The following SPECC1 variants were observed in gnomAD, a reference collection of about 807,000 sequenced individuals.
SPECC1 encodes cytospin-B.
SPECC1 carries 62 observed loss-of-function variants against 104.1 expected under a neutral mutation model. The observed-to-expected ratio is 0.60, with a 90% CI of 0.49 to 0.74. The LOEUF (loss-of-function observed/expected upper bound fraction) is 0.74. Ranked by LOEUF, SPECC1 falls within the 30% of genes least tolerant of loss-of-function variation. The pLI is 0.00. For missense variants in SPECC1, 1,306 were observed against 1,310.5 expected, an observed-to-expected ratio of 1.00 and a Z score of 0.05; for synonymous variants, 513 against 501.6, an observed-to-expected ratio of 1.02 and a Z score of -0.30.
chr17:20,195,353 CAATTAT>C (rs1567924698), intron 3 of SPECC1, among the ~76,000 whole-genome samples: 2 of 141,604 alleles, frequency 1.4e-5, no homozygotes, highest in African/African-American at 5.1e-5. Context: ...TTTTACATAA[CAATTAT>C]AATTATTAAT....
chr17:20,166,858 A>T (rs1346557342), intron 3 of SPECC1, among the ~76,000 whole-genome samples: 1 of 152,008 alleles, frequency 6.6e-6, no homozygotes, highest in East Asian at 1.9e-4. Flanking sequence ...GGCAAATGTC[A>T]ACACTTTGGG....
At chr17:20,240,591 G>A (rs1179891006) in intron 7 of SPECC1, among the ~76,000 whole-genome samples, 1 of 151,920 alleles carries the variant, frequency 6.6e-6, no homozygotes, top group Non-Finnish European at 1.5e-5. Flanking sequence ...TTAATCTGAT[G>A]TGAGGTGTGG....
At chr17:20,133,054 C>G (rs955456836) in intron 3 of SPECC1, among the ~76,000 whole-genome samples, 6 of 152,084 alleles carry the variant, frequency 3.9e-5, no homozygotes, top group African/African-American at 1.4e-4. Flanking sequence ...TATAGTTATT[C>G]ATATTATATT....
chr17:20,316,828 G>A lies in SPECC1; in HGVS notation c.*2763G>A, dbSNP rs1234085661. 1.4e-5 allele frequency: 3 copies of A among 206,984 alleles called. No homozygotes were observed. The highest frequency in any genetic ancestry group is 1.9e-4 in the South Asian group (1 of 5,276). The allele number at this position is 206,984 out of a possible 1,614,324, so 12.8% of individuals were successfully genotyped here. On this transcript the variant is annotated 3_prime_UTR_variant, in exon 15 of 15. Coordinates refer to ENST00000395527, the MANE Select transcript of SPECC1 (RefSeq NM_001243439.2). ...GATTGGCTCTATTTTGAGTGATTAC[G>A]TGTAAATCATCTAGAACCAGCTCTG...
intron 3 of SPECC1, chr17:20,156,273 A>C (rs2032504101): frequency 7.8e-7 from 1 of 1,285,218 alleles, no homozygotes; most frequent in South Asian, 2.0e-5. Context: ...CGCAGCCGCA[A>C]CCCCACCCCC....
At chr17:20,136,579 G>T (rs891371896) in intron 3 of SPECC1, among the ~76,000 whole-genome samples, 1 of 152,060 alleles carries the variant, frequency 6.6e-6, no homozygotes, top group African/African-American at 2.4e-5. Flanking sequence ...CTGCCCCTTT[G>T]CCCAGCCACC....
intron 1 of SPECC1, among the ~76,000 whole-genome samples, chr17:20,028,412 A>C (rs2044682511): frequency 6.6e-6 from 1 of 151,898 alleles, no homozygotes; most frequent in Non-Finnish European, 1.5e-5. Flanking sequence ...CAGTGGGAGG[A>C]TTGCTTGAGC....
intron 7 of SPECC1, 85 bp from the exon 8 acceptor site, chr17:20,245,841 A>T: frequency 6.9e-7 from 1 of 1,446,728 alleles, no homozygotes; most frequent in South Asian, 1.3e-5. Context: ...TATTTTCTCC[A>T]CATCAGTTCT....
intron 4 of SPECC1, among the ~76,000 whole-genome samples, chr17:20,226,366 A>G (rs2038205435): frequency 6.6e-6 from 1 of 152,222 alleles, no homozygotes; most frequent in South Asian, 2.1e-4. Flanking sequence ...CATGTTATAA[A>G]TGCAGAATAA....
intron 1 of SPECC1, among the ~76,000 whole-genome samples, chr17:20,072,084 G>T (rs1234545292): frequency 6.6e-6 from 1 of 152,164 alleles, no homozygotes; most frequent in Non-Finnish European, 1.5e-5. Flanking sequence ...GCTCTTTTCT[G>T]GGAGAGACTC....
intron 4 of SPECC1, among the ~76,000 whole-genome samples, chr17:20,219,760 T>C (rs1366480326): frequency 6.6e-6 from 1 of 152,208 alleles, no homozygotes; most frequent in African/African-American, 2.4e-5. Flanking sequence ...CCCAGATCAA[T>C]GTCCTGGAGA....
At chr17:20,155,857 C>A in intron 3 of SPECC1, 1 of 1,027,470 alleles carries the variant, frequency 9.7e-7, no homozygotes, top group Non-Finnish European at 1.2e-6. Context: ...TTCTGGCAGC[C>A]AAGAAGGAAA....
intron 1 of SPECC1, among the ~76,000 whole-genome samples, chr17:20,069,839 T>G (rs1348899595): frequency 6.6e-6 from 1 of 152,046 alleles, no homozygotes; most frequent in Non-Finnish European, 1.5e-5. Context: ...TATAAATATT[T>G]TATAGTTAAA....
chr17:20,144,185 T>C (rs1469677475), intron 3 of SPECC1, among the ~76,000 whole-genome samples: 7 of 132,548 alleles, frequency 5.3e-5, no homozygotes, highest in Admixed American at 1.5e-4. Context: ...CTTTTTTTTT[T>C]TTTTTTTTTT....
intron 1 of SPECC1, among the ~76,000 whole-genome samples, chr17:20,073,092 T>C (rs2046622007): frequency 2.0e-5 from 3 of 152,084 alleles, no homozygotes; most frequent in Non-Finnish European, 4.4e-5. Context: ...GAAAAAAAAT[T>C]GCAACAAATT....
At chr17:20,275,517 A>G (rs1215491338) in intron 12 of SPECC1, among the ~76,000 whole-genome samples, 3 of 152,216 alleles carry the variant, frequency 2.0e-5, no homozygotes. Context: ...TCTAGTTGCA[A>G]AGTTCTGTCC....
At chr17:20,125,135 G>A (rs961057447) in intron 3 of SPECC1, among the ~76,000 whole-genome samples, 29 of 152,142 alleles carry the variant, frequency 1.9e-4, no homozygotes, top group African/African-American at 4.3e-4. Flanking sequence ...AGCCGAGATC[G>A]CGCCACTGCA....
intron 11 of SPECC1, among the ~76,000 whole-genome samples, chr17:20,258,587 C>A (rs1392028570): frequency 2.0e-5 from 3 of 152,240 alleles, no homozygotes; most frequent in Non-Finnish European, 2.9e-5. Context: ...CACAACTTAG[C>A]ACCACCCCAC....
At chr17:20,138,025 G>A (rs958170934) in intron 3 of SPECC1, among the ~76,000 whole-genome samples, 1 of 151,986 alleles carries the variant, frequency 6.6e-6, no homozygotes, top group Non-Finnish European at 1.5e-5. Context: ...CTGGAGTGCA[G>A]TGGTGCAATC....
Sources: allele counts gnomAD v4.1 joint callset (sites outside exome capture counted in the v4.1 genomes callset), GRCh38; gene constraint gnomAD v4.1.1; transcripts MANE v1.5; gene names NCBI Gene and HGNC (gene_info 2026-07-23, HGNC 2026-07-21).